ACOT12: variants seen among roughly 807,000 people sequenced by gnomAD.
ACOT12 encodes the protein acyl-CoA thioesterase 12, also known as acetyl-coenzyme A thioesterase.
ACOT12 carries 51 observed loss-of-function variants against 67.7 expected under a neutral mutation model. The ratio of observed to expected loss-of-function variants is 0.75; its 90% CI spans 0.60 to 0.95. The LOEUF is 0.95. Ranked by LOEUF, ACOT12 falls within the 40% of genes least tolerant of loss-of-function variation. ACOT12 has a pLI of 0.00. For missense variants in ACOT12, 734 were observed against 708.1 expected (o/e 1.04, Z -0.41); for synonymous variants, 251 against 244.6 (o/e 1.03, Z -0.24).
intron 2 of ACOT12, among the ~76,000 whole-genome samples, chr5:81,381,882 T>A (rs1760593681): frequency 6.6e-6 from 1 of 152,202 alleles, no homozygotes; most frequent in South Asian, 2.1e-4. Flanking sequence ...AAATGATTAT[T>A]TCAAATGACT....
chr5:81,342,476 T>A (rs1759227556), intron 11 of ACOT12, among the ~76,000 whole-genome samples, 196 bp downstream of exon 11: 1 of 152,106 alleles, frequency 6.6e-6, no homozygotes, highest in Admixed American at 6.5e-5. Context: ...TAGGAGCATG[T>A]TGGGTATATT....
At chr5:81,335,502 T>C (rs7714558) in intron 12 of ACOT12, among the ~76,000 whole-genome samples, 65,162 of 151,916 alleles carry the variant, frequency 0.43, 15,127 homozygotes, top group African/African-American at 0.59. Flanking sequence ...GTAGCTAGGA[T>C]TACAGGCATG....
intron 12 of ACOT12, 37 bp from the exon 13 acceptor site, chr5:81,332,642 C>T: frequency 1.2e-6 from 2 of 1,610,834 alleles, no homozygotes; most frequent in African/African-American, 1.3e-5. Context: ...GGTATACTTT[C>T]TACCTGCTCA....
intron 2 of ACOT12, among the ~76,000 whole-genome samples, chr5:81,374,899 C>G (rs1346448373): frequency 1.3e-5 from 2 of 152,066 alleles, no homozygotes; most frequent in Non-Finnish European, 2.9e-5. Context: ...AGAATGGAAC[C>G]AAGTCGGAAA....
chr5:81,349,079 G>A (rs539490287), intron 5 of ACOT12, among the ~76,000 whole-genome samples: 1 of 152,304 alleles, frequency 6.6e-6, no homozygotes, highest in African/African-American at 2.4e-5. Flanking sequence ...CATCGTGGCT[G>A]TACTGTCAGA....
At chr5:81,390,830 G>A (rs2153860728) in intron 1 of ACOT12, among the ~76,000 whole-genome samples, 1 of 152,258 alleles carries the variant, frequency 6.6e-6, no homozygotes, top group East Asian at 1.9e-4. Context: ...AGTTATACTA[G>A]CTGCTTTAAA....
rs1760587872 is a variant in ACOT12, at chr5:81,381,638, C to G, written c.197+4119G>C. 2.6e-5 allele frequency among the ~76,000 whole-genome samples: 4 copies of G among 151,740 alleles called. No homozygotes were observed. In the South Asian group the frequency reaches 6.3e-4, roughly 24 times the overall value. On this transcript the variant is annotated intron_variant, in intron 2 of 14. Transcript: ENST00000307624. ...CATTAAAAAAAAGAAGGATACAGCA[C>G]AAAATAAATAAAGCTTACATAGAAA...
intron 11 of ACOT12, among the ~76,000 whole-genome samples, chr5:81,342,246 C>G (rs1759218800): frequency 6.6e-6 from 1 of 152,142 alleles, no homozygotes; most frequent in Non-Finnish European, 1.5e-5. Context: ...CTGCCTTGGC[C>G]TCCCAAAGTA....
intron 1 of ACOT12, among the ~76,000 whole-genome samples, chr5:81,387,912 T>C (rs1760773447): frequency 6.6e-6 from 1 of 152,168 alleles, no homozygotes; most frequent in Admixed American, 6.5e-5. Context: ...ATTAAACTTT[T>C]ATTGTTTATA....
In ACOT12 at chr5:81,379,357, T is replaced by C. The variant is rs577048375; in HGVS notation, c.197+6400A>G. On this transcript the variant is annotated intron_variant, in intron 2 of 14. Transcript: ENST00000307624. ...GGGTGGGGGGCTAGGGGAGGGATAG[T>C]ATTAGGAGAAATACCTAATGTTGAT... Among the ~76,000 whole-genome samples, 10 of 152,010 alleles carry C rather than the reference T, an allele frequency of 6.6e-5. No individual in the cohort carries two copies. In the South Asian group the frequency reaches 1.5e-3, roughly 22 times the overall value.
the ACOT12 span, among the ~76,000 whole-genome samples, chr5:81,309,419 C>T: frequency 1.3e-5 from 2 of 152,180 alleles, no homozygotes; most frequent in South Asian, 4.1e-4. Context: ...GGGGTGGGTA[C>T]AGATGATTCA....
At chr5:81,361,987 G>A (rs547559856) in intron 4 of ACOT12, among the ~76,000 whole-genome samples, 5 of 152,254 alleles carry the variant, frequency 3.3e-5, no homozygotes, top group Non-Finnish European at 5.9e-5. Context: ...TTTGTGATGA[G>A]CTGCTGAACC....
rs746805766 is a variant in ACOT12, at chr5:81,335,908, G to A, written c.1129-7C>T. 3.1e-6 allele frequency: 5 copies of A among 1,590,178 alleles called. No homozygotes were observed. The highest frequency in any genetic ancestry group is 3.7e-5 in the Admixed American group (2 of 53,526). On this transcript the variant is annotated splice_polypyrimidine_tract_variant and splice_region_variant and intron_variant, in intron 11 of 14. Coordinates refer to ENST00000307624, the MANE Select transcript of ACOT12 (RefSeq NM_130767.3). ...CCAGAGTATATATTTTTATCTAAAA[G>A]ACAACAAAAAAATTAAATTACGAAA...
chr5:81,344,742 A>C, intron 8 of ACOT12, 149 bp downstream of exon 8: 1 of 1,012,476 alleles, frequency 9.9e-7, no homozygotes, highest in Non-Finnish European at 1.5e-6. Flanking sequence ...GGAAAAGGAA[A>C]AGAAAAAAGC....
At position 81,330,901 on chromosome 5, in the gene ACOT12, T is replaced by A. The variant is rs555964953; in HGVS notation, c.1431A>T (p.Pro477=). 29 of 1,612,758 alleles carry A rather than the reference T, an allele frequency of 1.8e-5. No homozygotes were observed. Among genetic ancestry groups the A allele is most frequent in the Non-Finnish European group, 2.4e-5 (28 of 1,179,530 alleles). The change falls in exon 14 of 15, where the codon CCA becomes CCT. Residue 477 remains proline, a synonymous_variant. Transcript: ENST00000307624. ...TGTACTGTGGAGACGGGGGGACCGA[T>A]GGCAAAATGACCGACTTCACTGCCA... ...YTVAVKSVIL[P]SVPPSPQYIR...
At chr5:81,313,236 CAA>C in the ACOT12 span, 1 of 152,076 alleles carries the variant, frequency 6.6e-6, no homozygotes, top group African/African-American at 2.4e-5. Flanking sequence ...CCATTGGAAA[CAA>C]GATTTTTTTT....
chr5:81,369,850 G>A (rs921959997), intron 3 of ACOT12, among the ~76,000 whole-genome samples: 12 of 152,226 alleles, frequency 7.9e-5, no homozygotes, highest in Non-Finnish European at 1.5e-4. Context: ...GCTCCTGTGT[G>A]CAAAGGCTAA....
intron 13 of ACOT12, among the ~76,000 whole-genome samples, 173 bp downstream of exon 13, chr5:81,332,304 T>C (rs1348153763): frequency 6.6e-6 from 1 of 152,242 alleles, no homozygotes; most frequent in Admixed American, 6.5e-5. Flanking sequence ...TGGCTCTTAA[T>C]AGATGACTGT....
chr5:81,311,422 T>C, the ACOT12 span: 1 of 883,760 alleles, frequency 1.1e-6, no homozygotes, highest in Non-Finnish European at 1.8e-6. Context: ...ACTTAATCTC[T>C]GTCAGCAATA....
Sources: allele counts gnomAD v4.1 joint callset (sites outside exome capture counted in the v4.1 genomes callset), GRCh38; gene constraint gnomAD v4.1.1; transcripts MANE v1.5; gene names NCBI Gene and HGNC (gene_info 2026-07-23, HGNC 2026-07-21).